Variants in ENPEP observed in about 807,000 individuals in gnomAD.
ENPEP encodes glutamyl aminopeptidase, also known as AP-A.
In ENPEP, 103 loss-of-function variants were observed where a neutral mutation model predicts 114.5. The ratio of observed to expected loss-of-function variants is 0.90; its 90% confidence interval spans 0.77 to 1.06. The LOEUF (loss-of-function observed/expected upper bound fraction) is 1.06, where lower values mean the gene tolerates loss of function less well. Ranked by LOEUF, ENPEP falls within the 50% of genes least tolerant of loss-of-function variation. ENPEP has a pLI of 0.00. For missense variants in ENPEP, 1,196 were observed against 1,161.3 expected (o/e 1.03, Z -0.43); for synonymous variants, 420 against 422.0 (o/e 1.00, Z 0.06).
At chr4:110,560,959 A>G (rs1727657220) in intron 19 of ENPEP, among the ~76,000 whole-genome samples, 1 of 152,110 alleles carries the variant, frequency 6.6e-6, no homozygotes, top group South Asian at 2.1e-4. Flanking sequence ...GTACAGCACT[A>G]ATTTTAAGAA....
Position 110,549,396 on chromosome 4 carries a change from T to A in ENPEP, c.2202T>A (p.Asn734Lys), listed in dbSNP as rs756367100. 6.2e-7 allele frequency: 1 copy of A among 1,613,350 alleles called. No individual in the cohort carries two copies. The highest frequency in any genetic ancestry group is 8.5e-7 in the Non-Finnish European group (1 of 1,179,496). Residue 734 changes from asparagine to lysine, a missense_variant, in exon 15 of 20, where the codon AAT (asparagine) becomes AAA (lysine). Transcript: ENST00000265162. ...CTATTGCAGATTCTCTGGGATGGAA[T>A]GATGCTGGAGACCATGTCACAAAGT... ...VKPIADSLGWNDAGDHVTKLL... is the reference protein window; with the variant it reads ...VKPIADSLGWKDAGDHVTKLL...
At chr4:110,531,328 AAACT>A (rs1207374211) in intron 11 of ENPEP, 51 bp downstream of exon 11, 4 of 1,301,694 alleles carry the variant, frequency 3.1e-6, no homozygotes, top group Middle Eastern at 2.2e-4. Context: ...GTACCACATT[AAACT>A]AATATAAGTA....
intron 17 of ENPEP, among the ~76,000 whole-genome samples, chr4:110,552,156 G>A (rs1727314418): frequency 6.6e-6 from 1 of 152,148 alleles, no homozygotes. Context: ...AAGGAACCAG[G>A]ATCATTACCT....
intron 18 of ENPEP, among the ~76,000 whole-genome samples, chr4:110,556,313 T>G (rs1727470713): frequency 6.6e-6 from 1 of 152,018 alleles, no homozygotes; most frequent in Non-Finnish European, 1.5e-5. Context: ...CTGTTTCTCC[T>G]TGAGTTTTTC....
chr4:110,544,199 CT>C (rs1165643267), intron 13 of ENPEP, among the ~76,000 whole-genome samples: 1 of 152,070 alleles, frequency 6.6e-6, no homozygotes, highest in African/African-American at 2.4e-5. Context: ...AGTCTCTTAA[CT>C]TCTCTCTGGC....
At position 110,561,390 on chromosome 4, in the gene ENPEP, C is replaced by T. The variant is rs183900221; in HGVS notation, c.2722-16C>T. On this transcript the variant is annotated splice_polypyrimidine_tract_variant and intron_variant, in intron 19 of 19. Coordinates refer to ENST00000265162, the MANE Select transcript of ENPEP (RefSeq NM_001977.4). ...GCTATAAATGACAATCCTAATTACT[C>T]CCCTCTCTTTTCTAGATGGAGAGCT... 6.2e-7 allele frequency: 1 copy of T among 1,611,930 alleles called. No individual in the cohort carries two copies. The highest frequency in any genetic ancestry group is 1.1e-5 in the South Asian group (1 of 90,632).
intron 11 of ENPEP, chr4:110,532,968 T>C (rs1726463036): frequency 3.7e-6 from 1 of 267,922 alleles, no homozygotes; most frequent in Admixed American, 4.4e-5. Context: ...AAAGACATTT[T>C]CAACAATGTG....
intron 11 of ENPEP, among the ~76,000 whole-genome samples, chr4:110,537,313 C>G (rs945292426): frequency 6.6e-6 from 1 of 152,170 alleles, no homozygotes; most frequent in Non-Finnish European, 1.5e-5. Context: ...GCTGCTTTCT[C>G]AATTAAGTTT....
At chr4:110,492,237 A>G (rs2110339401) in intron 3 of ENPEP, among the ~76,000 whole-genome samples, 1 of 152,334 alleles carries the variant, frequency 6.6e-6, no homozygotes, top group South Asian at 2.1e-4. Flanking sequence ...GAGATGAGAA[A>G]AATTGAAGTT....
At chr4:110,555,875 T>A (rs1727449848) in intron 18 of ENPEP, among the ~76,000 whole-genome samples, 3 of 152,006 alleles carry the variant, frequency 2.0e-5, no homozygotes, top group African/African-American at 7.2e-5. Flanking sequence ...TTTTAGTTTT[T>A]AAAAATAACC....
chr4:110,521,624 G>A (rs1245903026), intron 10 of ENPEP, among the ~76,000 whole-genome samples: 2 of 151,924 alleles, frequency 1.3e-5, no homozygotes, highest in Non-Finnish European at 2.9e-5. Flanking sequence ...CAAAATAAAT[G>A]TATGAGATGC....
intron 6 of ENPEP, chr4:110,512,522 T>G (rs1725618846): frequency 6.6e-6 from 1 of 152,202 alleles, no homozygotes; most frequent in Non-Finnish European, 1.5e-5. Flanking sequence ...ACCCGCATAA[T>G]TGGAAAATGT....
Position 110,553,339 on chromosome 4 carries a change from G to A in ENPEP, c.2526G>A (p.Thr842=), listed in dbSNP as rs113642189. 15 of 1,601,554 alleles carry A rather than the reference G, an allele frequency of 9.4e-6. No homozygotes were observed. The highest frequency in any genetic ancestry group is 2.2e-5 in the South Asian group (2 of 89,078). Residue 842 remains threonine (T), a synonymous_variant, in exon 18 of 20, where the codon ACG becomes ACA. Coordinates refer to ENST00000265162, the MANE Select transcript of ENPEP (RefSeq NM_001977.4). ...GGTATTTGGATTTGCTCAAGGACAC[G>A]AACCTTATTAAAACTCAGGATGTGT... is the stretch of plus-strand genomic sequence containing the variant. ...LSRYLDLLKD[T]NLIKTQDVFT... is the part of the protein sequence containing the mutation.
intron 1 of ENPEP, among the ~76,000 whole-genome samples, chr4:110,479,791 A>C (rs1247541998): frequency 1.3e-5 from 2 of 152,216 alleles, no homozygotes; most frequent in Non-Finnish European, 2.9e-5. Context: ...TAGATCATAA[A>C]GACAAGAGAA....
At chr4:110,548,635 CT>C (rs1727169367) in intron 14 of ENPEP, among the ~76,000 whole-genome samples, 1 of 151,870 alleles carries the variant, frequency 6.6e-6, no homozygotes, top group Non-Finnish European at 1.5e-5. Context: ...CTAATTAGAT[CT>C]TTTTTAAAAT....
intron 1 of ENPEP, among the ~76,000 whole-genome samples, chr4:110,482,458 G>A (rs1314660692): frequency 6.6e-6 from 1 of 152,206 alleles, no homozygotes; most frequent in Non-Finnish European, 1.5e-5. Flanking sequence ...GAGATGACTA[G>A]TAGGCACTTG....
Position 110,563,549 on chromosome 4 carries a change from A to G in ENPEP, c.*1991A>G, listed in dbSNP as rs1727742872. 1 of 152,214 alleles carries G rather than the reference A, an allele frequency of 6.6e-6. No homozygotes were observed. The highest frequency in any genetic ancestry group is 1.5e-5 in the Non-Finnish European group (1 of 68,036). The allele number at this position is 152,214 out of a possible 1,614,324, so 9.4% of individuals were successfully genotyped here. A position where few individuals can be genotyped will look rare whatever the true frequency, so the allele number is the denominator to read the frequency against. Reference sequence around the variant, plus strand: ...CCTAATAGATAGATCTATGCCAAGCACAGTTTATTACTTTGCTTGCTTGGT... The same window carrying G: ...CCTAATAGATAGATCTATGCCAAGCGCAGTTTATTACTTTGCTTGCTTGGT... On this transcript the variant is annotated 3_prime_UTR_variant, in exon 20 of 20. Coordinates refer to ENST00000265162, the MANE Select transcript of ENPEP (RefSeq NM_001977.4).
At chr4:110,546,470 G>A (rs561010315) in intron 13 of ENPEP, among the ~76,000 whole-genome samples, 71 of 152,124 alleles carry the variant, frequency 4.7e-4, no homozygotes, top group Admixed American at 9.8e-4. Context: ...TGACAAGGCT[G>A]CGTGGGGGCA....
In ENPEP at chr4:110,503,524, A is replaced by G. The variant is rs368079260; in HGVS notation, c.919-3113A>G. 7.9e-5 allele frequency among the ~76,000 whole-genome samples: 12 copies of G among 152,116 alleles called. No individual in the cohort carries two copies. In the East Asian group the frequency reaches 2.3e-3, roughly 29 times the overall value. ...ATCTCAATGATCTTCCTTCCTATCC[A>G]TATTCTGAATTCTATTGCTATCATT... On this transcript the variant is annotated intron_variant, in intron 3 of 19. Transcript: ENST00000265162.
Sources: gnomAD v4.1 joint callset for allele counts (sites outside exome capture counted in the v4.1 genomes callset) on GRCh38, gnomAD v4.1.1 for gene constraint, MANE v1.5 for transcripts, NCBI Gene and HGNC (gene_info 2026-07-23, HGNC 2026-07-21) for gene names.